PSG1: variants seen among roughly 807,000 people sequenced by gnomAD.
The protein encoded by PSG1 is pregnancy-specific beta-1-glycoprotein 1.
A neutral mutation model predicts 41.4 loss-of-function variants in PSG1; 60 were observed. That is an observed-to-expected ratio of 1.45 (90% CI 1.18 to 1.80). The LOEUF (loss-of-function observed/expected upper bound fraction) is 1.80, where lower values mean the gene tolerates loss of function less well. Ranked by LOEUF, PSG1 falls within the 40% of genes most tolerant of loss-of-function variation. PSG1 has a pLI of 0.00. For synonymous variants in PSG1, 256 were observed against 192.9 expected (o/e 1.33, Z -2.71); for missense variants, 806 against 516.9 (o/e 1.56, Z -5.42).
chr19:42,870,777 T>C (rs1265807033), intron 3 of PSG1: 4 of 151,760 alleles, frequency 2.6e-5, no homozygotes, highest in Non-Finnish European at 4.4e-5. Flanking sequence ...TTAATTTCTT[T>C]CAGCAATGGT....
chr19:42,876,127 A>G (rs1047799526), intron 2 of PSG1, among the ~76,000 whole-genome samples: 2 of 151,236 alleles, frequency 1.3e-5, no homozygotes, highest in African/African-American at 4.9e-5. Flanking sequence ...GGTTAGAGGG[A>G]GTGTCTAGGG....
chr19:42,878,474 C>T (rs1390744338), intron 1 of PSG1, 196 bp from the exon 2 acceptor site: 3 of 1,003,916 alleles, frequency 3.0e-6, no homozygotes, highest in Non-Finnish European at 4.2e-6. Context: ...GTGTGTCCTA[C>T]TGTCCTACTA....
chr19:42,867,052 G>T lies in PSG1; in HGVS notation c.*82C>A. 1.3e-6 allele frequency: 1 copy of T among 770,934 alleles called. No homozygotes were observed. The highest frequency in any genetic ancestry group is 2.4e-5 in the East Asian group (1 of 41,158). The allele number at this position is 770,934 out of a possible 1,614,324, so 47.8% of individuals were successfully genotyped here. On this transcript the variant is annotated 3_prime_UTR_variant, in exon 6 of 6. Transcript: ENST00000436291. ...ATTTACATTGAGTTGTCCACCTCCA[G>T]CTTATAGGGCTTCTGGAACAGAGTG...
chr19:42,867,071 C>G lies in PSG1; in HGVS notation c.*63G>C, dbSNP rs755741464. On this transcript the variant is annotated 3_prime_UTR_variant, in exon 6 of 6. Coordinates refer to ENST00000436291, the MANE Select transcript of PSG1 (RefSeq NM_001184825.2). ...CCTCCAGCTTATAGGGCTTCTGGAA[C>G]AGAGTGGGTCTTGCTCTTAGTGATT... The G allele has an allele frequency of 3.9e-6, 3 of 772,448 alleles. No homozygotes were observed. Among genetic ancestry groups the G allele is most frequent in the Non-Finnish European group, 7.2e-6 (3 of 417,550 alleles). The allele number at this position is 772,448 out of a possible 1,614,324, so 47.8% of individuals were successfully genotyped here. A position where few individuals can be genotyped will look rare whatever the true frequency, so the allele number is the denominator to read the frequency against.
chr19:42,873,990 A>G (rs1003147203), intron 2 of PSG1: 2 of 151,552 alleles, frequency 1.3e-5, no homozygotes, highest in South Asian at 4.2e-4. Flanking sequence ...AAGATCTCCA[A>G]CTTATGAAAA....
intron 2 of PSG1, among the ~76,000 whole-genome samples, chr19:42,874,299 C>T (rs533208728): frequency 2.0e-5 from 3 of 151,618 alleles, no homozygotes; most frequent in Non-Finnish European, 4.4e-5. Flanking sequence ...CTTTCCACAG[C>T]TGTGTGCAGT....
rs1158847698 is a variant in PSG1 at position 42,867,890 on chromosome 19, G to C, written c.1243+211C>G. 8 of 1,434,878 alleles carry C rather than the reference G, an allele frequency of 5.6e-6. No homozygotes were observed. The African/African-American group carries it at 1.1e-4, about 21-fold the overall frequency. The allele number at this position is 1,434,878 out of a possible 1,614,324, so 88.9% of individuals were successfully genotyped here. Reference sequence around the variant, plus strand: ...ATGAAATCAATGTTCTTCCTGCTTGGTCTAGGCTGGGAATATTATGAAGAT... The same window carrying C: ...ATGAAATCAATGTTCTTCCTGCTTGCTCTAGGCTGGGAATATTATGAAGAT... On this transcript the variant is annotated intron_variant, in intron 5 of 5. Transcript: ENST00000436291.
In PSG1 at chr19:42,870,381, G is replaced by T. The variant is rs186580077; in HGVS notation, c.710-1347C>A. ...CAAAAGTGGGAGGTGATAAGCCAAA[G>T]ATATTCTTGCCCTTTTTTTTCTCTC... On this transcript the variant is annotated intron_variant, in intron 3 of 5. Transcript: ENST00000436291. 1.4e-4 allele frequency: 21 copies of T among 151,636 alleles called. 1 individual carries two copies. Among genetic ancestry groups the T allele is most frequent in the Admixed American group, 5.9e-4 (9 of 15,182 alleles). The allele number at this position is 151,636 out of a possible 1,614,324, so 9.4% of individuals were successfully genotyped here.
intron 5 of PSG1, chr19:42,867,851 T>C (rs1346323896): frequency 2.3e-6 from 3 of 1,305,912 alleles, no homozygotes; most frequent in Non-Finnish European, 2.1e-6. Context: ...TCTTCATTAT[T>C]ATCAATTATT....
rs1308693706 is a variant in PSG1, at chr19:42,868,299, C to T, written c.1045G>A (p.Val349Ile). ...TCCGCAGAACAGGACAAGTAGAGGA[C>T]TTCTCCTGAACGGTAATAGGTGAAT... ...PSFTYYRSGE[V>I]LYLSCSADSN... Residue 349 changes from valine to isoleucine, a missense_variant, in exon 5 of 6, where the codon GTC (valine) becomes ATC (isoleucine). By Grantham distance (29) the Val-to-Ile change is conservative. Transcript: ENST00000436291. 11 of 1,612,188 alleles carry T rather than the reference C, an allele frequency of 6.8e-6. 1 individual carries two copies. The highest frequency in any genetic ancestry group is 3.3e-5 in the Admixed American group (2 of 59,836).
rs564374058 is a variant in PSG1, at chr19:42,879,340, G to T, written c.64+178C>A. The stretch of plus-strand genomic sequence containing the variant: ...GTTAAATTTTTGTATTTTCAGTACA[G>T]ACAGGGCTTCACTGTGTTGGCCAGA... On this transcript the variant is annotated intron_variant, in intron 1 of 5. Coordinates refer to ENST00000436291, the MANE Select transcript of PSG1 (RefSeq NM_001184825.2). Among the ~76,000 whole-genome samples the T allele has an allele frequency of 3.3e-5, 5 of 151,398 alleles. No individual in the cohort carries two copies. In the South Asian group the frequency reaches 1.1e-3, roughly 32 times the overall value.
intron 2 of PSG1, chr19:42,874,189 T>C (rs952769092): frequency 6.6e-6 from 1 of 151,706 alleles, no homozygotes; most frequent in African/African-American, 2.4e-5. Context: ...ATATTAAATA[T>C]GAAGTTGAAT....
At position 42,871,981 on chromosome 19, in the gene PSG1, C is replaced by T. The variant is rs371496912; in HGVS notation, c.495G>A (p.Val165=). The part of the protein sequence containing the change: ...NLNPRETMEA[V]SLTCDPETPD... ...GAGTCTCAGGGTCACAGGTTAAGCT[C>T]ACAGCCTCCATGGTCTCCCTGGGAT... The change falls in exon 3 of 6, where the codon GTG becomes GTA. Residue 165 remains valine, a synonymous_variant. Transcript: ENST00000436291. The T allele has an allele frequency of 6.2e-7, 1 of 1,612,490 alleles. No individual in the cohort carries two copies.
At chr19:42,874,215 T>A (rs1431407088) in intron 2 of PSG1, 2 of 151,778 alleles carry the variant, frequency 1.3e-5, no homozygotes, top group Non-Finnish European at 2.9e-5. Flanking sequence ...GTTCCACTTT[T>A]TTTCCCCACT....
intron 3 of PSG1, chr19:42,869,279 A>G (rs1484265599): frequency 2.4e-6 from 2 of 843,906 alleles, no homozygotes; most frequent in East Asian, 5.7e-5. Context: ...GTGTTGGGTC[A>G]TGGACAGACA....
rs1353333925 is a variant in PSG1, at chr19:42,877,822, A to T, written c.430+91T>A. ...CATGGGACATAACGCAGTGAGTGACACAGGCAGAGTCCAGGCCTGACAATC... is the reference window on the plus strand; with the variant it reads ...CATGGGACATAACGCAGTGAGTGACTCAGGCAGAGTCCAGGCCTGACAATC... On this transcript the variant is annotated intron_variant, in intron 2 of 5. Coordinates refer to ENST00000436291, the MANE Select transcript of PSG1 (RefSeq NM_001184825.2). The T allele has an allele frequency of 8.1e-6, 13 of 1,603,798 alleles. 3 individuals carry two copies. Among genetic ancestry groups the T allele is most frequent in the Non-Finnish European group, 1.1e-5 (13 of 1,171,770 alleles).
In PSG1 at chr19:42,878,255, G is replaced by T. The variant is rs367695726; in HGVS notation, c.88C>A (p.Leu30Met). 1 of 1,608,894 alleles carries T rather than the reference G, an allele frequency of 6.2e-7. No individual in the cohort carries two copies. The highest frequency in any genetic ancestry group is 8.5e-7 in the Non-Finnish European group (1 of 1,177,770). Residue 30 changes from leucine to methionine, a missense_variant, in exon 2 of 6, where the codon CTG (leucine) becomes ATG (methionine). Transcript: ENST00000436291. ...LTASLLNFWN[L>M]PTTAQVTIEA... ...ATCGTGACTTGGGCAGTGGTGGGCA[G>T]GTTCCAGAAGTTTAAAAGTGATGCT...
chr19:42,871,900 G>A lies in PSG1; in HGVS notation c.576C>T (p.Ser192=), dbSNP rs142121865. 1.9e-6 allele frequency: 3 copies of A among 1,612,368 alleles called. No homozygotes were observed. The highest frequency in any genetic ancestry group is 2.5e-6 in the Non-Finnish European group (3 of 1,179,226). Residue 192 remains serine, a synonymous_variant, in exon 3 of 6, where the codon AGC becomes AGT. Coordinates refer to ENST00000436291, the MANE Select transcript of PSG1 (RefSeq NM_001184825.2). ...TCCTGTTGGTTTCGGACAGCTTCAA[G>A]CTGTGAGTCATAGGGAGGCTCTGAC... ...MNGQSLPMTH[S]LKLSETNRTL...
At chr19:42,879,117 C>A (rs1176086736) in intron 1 of PSG1, among the ~76,000 whole-genome samples, 7 of 151,252 alleles carry the variant, frequency 4.6e-5, no homozygotes, top group Non-Finnish European at 1.5e-5. Flanking sequence ...TTTCCCCTAT[C>A]CAGGCTCCAA....
Sources: gnomAD v4.1 joint callset for allele counts (sites outside exome capture counted in the v4.1 genomes callset) on GRCh38, gnomAD v4.1.1 for gene constraint, MANE v1.5 for transcripts, NCBI Gene and HGNC (gene_info 2026-07-23, HGNC 2026-07-21) for gene names.